Variants in SLC9A9 observed in about 807,000 individuals in gnomAD.
SLC9A9 encodes sodium/hydrogen exchanger 9.
SLC9A9 carries 62 observed loss-of-function variants against 77.8 expected under a neutral mutation model. The observed-to-expected ratio is 0.80, with a 90% CI of 0.65 to 0.98. The LOEUF (loss-of-function observed/expected upper bound fraction) is 0.98. Ranked by LOEUF, SLC9A9 falls within the 50% of genes least tolerant of loss-of-function variation. The pLI, the probability that SLC9A9 is intolerant of heterozygous loss-of-function variation, is 0.00. For missense variants in SLC9A9, 775 were observed against 774.9 expected, an observed-to-expected ratio of 1.00 and a Z score of 0.00; for synonymous variants, 320 against 283.5, an observed-to-expected ratio of 1.13 and a Z score of -1.29.
In SLC9A9 at chr3:143,848,209, G is replaced by A. The variant is rs1446883462; in HGVS notation, c.114C>T (p.Ile38=). Residue 38 remains isoleucine (I), a synonymous_variant, in exon 1 of 16, where the codon ATC becomes ATT. Coordinates refer to ENST00000316549, the MANE Select transcript of SLC9A9 (RefSeq NM_173653.4). ...GGAATCGATGATTTTTAAATAACCAGATTGTCAAAATGGTAAGGATGAGCA... is the reference window on the plus strand; with the variant it reads ...GGAATCGATGATTTTTAAATAACCAAATTGTCAAAATGGTAAGGATGAGCA... ...NFLLILTILT[I]WLFKNHRFRF... is the part of the protein sequence containing the mutation. 4 of 1,613,868 alleles carry A rather than the reference G, an allele frequency of 2.5e-6. No individual in the cohort carries two copies. Among genetic ancestry groups the A allele is most frequent in the Non-Finnish European group, 3.4e-6 (4 of 1,179,934 alleles).
intron 5 of SLC9A9, among the ~76,000 whole-genome samples, chr3:143,685,782 C>T (rs1221829317): frequency 6.6e-6 from 1 of 152,142 alleles, no homozygotes; most frequent in Non-Finnish European, 1.5e-5. Context: ...TTTTGAACAT[C>T]TTCCAACTTA....
intron 13 of SLC9A9, among the ~76,000 whole-genome samples, chr3:143,378,688 G>A (rs1054394389): frequency 5.9e-5 from 9 of 152,194 alleles, no homozygotes; most frequent in Admixed American, 2.6e-4. Flanking sequence ...TCAATTACAA[G>A]GGAAACTTCC....
At chr3:143,582,271 T>C (rs945400826) in intron 6 of SLC9A9, among the ~76,000 whole-genome samples, 1 of 152,228 alleles carries the variant, frequency 6.6e-6, no homozygotes, top group African/African-American at 2.4e-5. Flanking sequence ...CAGAATCATT[T>C]ACCTCATCTG....
chr3:143,587,917 A>T (rs1015808583), intron 6 of SLC9A9, among the ~76,000 whole-genome samples: 3 of 152,248 alleles, frequency 2.0e-5, no homozygotes, highest in Non-Finnish European at 4.4e-5. Context: ...GTATAGATTA[A>T]TTTAGCAGAA....
chr3:143,730,800 G>C (rs188201531), intron 4 of SLC9A9, among the ~76,000 whole-genome samples: 150 of 152,024 alleles, frequency 9.9e-4, no homozygotes, highest in Non-Finnish European at 1.1e-3. Flanking sequence ...GGTGAACAGG[G>C]AGAATATAAA....
chr3:143,663,336 G>A (rs922281841), intron 5 of SLC9A9, among the ~76,000 whole-genome samples: 8 of 152,128 alleles, frequency 5.3e-5, no homozygotes, highest in Non-Finnish European at 1.2e-4. Flanking sequence ...ACCAAACATA[G>A]ATAAAACCAC....
intron 6 of SLC9A9, among the ~76,000 whole-genome samples, chr3:143,590,291 T>C (rs2037625255): frequency 6.6e-6 from 1 of 152,240 alleles, no homozygotes; most frequent in Admixed American, 6.5e-5. Flanking sequence ...TGTATAGTGC[T>C]TAAAATGTTA....
intron 6 of SLC9A9, among the ~76,000 whole-genome samples, chr3:143,588,300 T>A (rs2037580568): frequency 1.3e-5 from 2 of 152,176 alleles, no homozygotes; most frequent in South Asian, 4.1e-4. Context: ...GGAAAGGTAG[T>A]AAGGTACTTG....
At chr3:143,381,895 A>C in intron 13 of SLC9A9, 165 bp downstream of exon 13, 1 of 804,976 alleles carries the variant, frequency 1.2e-6, no homozygotes, top group Non-Finnish European at 2.1e-6. Context: ...GAAGTTATCA[A>C]CACCCTGAAT....
intron 5 of SLC9A9, among the ~76,000 whole-genome samples, chr3:143,670,220 C>T (rs1352446959): frequency 2.0e-5 from 3 of 152,166 alleles, no homozygotes; most frequent in South Asian, 2.1e-4. Flanking sequence ...GGGCCTTCCA[C>T]ATCTAAATTT....
At chr3:143,591,341 G>T (rs936154661) in intron 6 of SLC9A9, among the ~76,000 whole-genome samples, 17 of 152,240 alleles carry the variant, frequency 1.1e-4, no homozygotes, top group Non-Finnish European at 2.9e-5. Flanking sequence ...ATTTCACAAA[G>T]GTAGTTGCCT....
At chr3:143,409,840 G>A (rs1025907153) in intron 12 of SLC9A9, among the ~76,000 whole-genome samples, 1 of 152,156 alleles carries the variant, frequency 6.6e-6, no homozygotes. Flanking sequence ...TCCCAAGATC[G>A]AAATTTCTTG....
chr3:143,655,488 A>G, intron 5 of SLC9A9: 1 of 985,380 alleles, frequency 1.0e-6, no homozygotes, highest in Non-Finnish European at 1.2e-6. Flanking sequence ...TTTGTCTTTA[A>G]CTTACTTTAG....
chr3:143,808,974 GC>G (rs754921851), intron 2 of SLC9A9, among the ~76,000 whole-genome samples: 18 of 152,254 alleles, frequency 1.2e-4, no homozygotes, highest in Admixed American at 1.3e-4. Context: ...ACACAACTGT[GC>G]AAAATTTGAG....
At chr3:143,429,557 T>G (rs1234184749) in intron 12 of SLC9A9, among the ~76,000 whole-genome samples, 2 of 152,198 alleles carry the variant, frequency 1.3e-5, no homozygotes, top group African/African-American at 4.8e-5. Context: ...AGGCAGTTCA[T>G]TTTTACATAC....
chr3:143,492,216 T>C (rs138900666), intron 11 of SLC9A9, among the ~76,000 whole-genome samples: 2,324 of 142,580 alleles, frequency 0.016, 42 homozygotes, highest in East Asian at 0.12. Flanking sequence ...GACATGAACC[T>C]GGGGGGCAGA....
At chr3:143,279,551 T>C (rs1246681259) in intron 14 of SLC9A9, among the ~76,000 whole-genome samples, 1 of 152,214 alleles carries the variant, frequency 6.6e-6, no homozygotes, top group Non-Finnish European at 1.5e-5. Context: ...CTCCTAATGC[T>C]ATCCCTCCCC....
At chr3:143,701,191 T>C (rs571725637) in intron 4 of SLC9A9, among the ~76,000 whole-genome samples, 1 of 152,252 alleles carries the variant, frequency 6.6e-6, no homozygotes, top group African/African-American at 2.4e-5. Flanking sequence ...ATGGGTACTA[T>C]CAAGTCCAGG....
intron 6 of SLC9A9, among the ~76,000 whole-genome samples, chr3:143,602,014 C>T (rs916565659): frequency 1.3e-5 from 2 of 152,098 alleles, no homozygotes; most frequent in African/African-American, 4.8e-5. Flanking sequence ...CCTTTCCAGC[C>T]TATATACAGC....
Sources: gnomAD v4.1 joint callset for allele counts (sites outside exome capture counted in the v4.1 genomes callset) on GRCh38, gnomAD v4.1.1 for gene constraint, MANE v1.5 for transcripts, NCBI Gene and HGNC (gene_info 2026-07-23, HGNC 2026-07-21) for gene names.